Variants in PSMA8 observed in about 807,000 individuals in gnomAD.
PSMA8 encodes proteasome 20S subunit alpha 8.
In PSMA8, 18 loss-of-function variants were observed where a neutral mutation model predicts 32.4. The ratio of observed to expected loss-of-function variants is 0.56; its 90% CI spans 0.38 to 0.82. The LOEUF (loss-of-function observed/expected upper bound fraction) is 0.82. Among genes scored for constraint, PSMA8 ranks in the 40% least tolerant of loss-of-function variants. PSMA8 has a pLI of 0.00. For synonymous variants in PSMA8, 104 were observed against 98.1 expected, an observed-to-expected ratio of 1.06 and a Z score of -0.36; for missense variants, 298 against 300.7, an observed-to-expected ratio of 0.99 and a Z score of 0.07.
In PSMA8 at chr18:26,179,100, T is replaced by C. The variant is rs763355221; in HGVS notation, c.630T>C (p.Leu210=). Residue 210 remains leucine (L), a synonymous_variant, in exon 6 of 7, where the codon CTT becomes CTC. Coordinates refer to ENST00000415576, the MANE Select transcript of PSMA8 (RefSeq NM_001025096.2). Reference sequence around the variant, plus strand: ...AGTCTGGTGGAAAAAACATTGAACTTGCTATAATAAGAAGAAATCAACCTT... The same window carrying C: ...AGTCTGGTGGAAAAAACATTGAACTCGCTATAATAAGAAGAAATCAACCTT... ...VVQSGGKNIE[L]AIIRRNQPLK... is the part of the protein sequence containing the mutation. 2 of 1,612,806 alleles carry C rather than the reference T, an allele frequency of 1.2e-6. No homozygotes were observed. The highest frequency in any genetic ancestry group is 8.5e-7 in the Non-Finnish European group (1 of 1,179,172).
chr18:26,143,512 A>G (rs1471519493), intron 1 of PSMA8, among the ~76,000 whole-genome samples: 1 of 152,200 alleles, frequency 6.6e-6, no homozygotes, highest in East Asian at 1.9e-4. Flanking sequence ...AAAGTATATA[A>G]TAATCATACA....
At chr18:26,146,038 T>A (rs1055973872) in intron 2 of PSMA8, among the ~76,000 whole-genome samples, 1 of 152,222 alleles carries the variant, frequency 6.6e-6, no homozygotes, top group Admixed American at 6.5e-5. Context: ...TTCATTTTTT[T>A]ATATTCTTAT....
chr18:26,165,102 G>A (rs962923142), intron 4 of PSMA8, among the ~76,000 whole-genome samples: 1 of 151,968 alleles, frequency 6.6e-6, no homozygotes, highest in African/African-American at 2.4e-5. Context: ...GAGAGACGGG[G>A]TTTCACGCTG....
intron 3 of PSMA8, among the ~76,000 whole-genome samples, chr18:26,156,037 A>G (rs2055086216): frequency 6.6e-6 from 1 of 152,238 alleles, no homozygotes; most frequent in Non-Finnish European, 1.5e-5. Flanking sequence ...ACAAATGGCC[A>G]ACATGTATAT....
chr18:26,152,184 A>G (rs2055051800), intron 3 of PSMA8, among the ~76,000 whole-genome samples: 2 of 152,170 alleles, frequency 1.3e-5, no homozygotes, highest in Non-Finnish European at 2.9e-5. Flanking sequence ...ATCAGTATTA[A>G]TTCTGGGAAT....
At chr18:26,178,760 A>C (rs1487244543) in intron 4 of PSMA8, 70 bp from the exon 5 acceptor site, 1 of 1,433,228 alleles carries the variant, frequency 7.0e-7, no homozygotes, top group Non-Finnish European at 9.6e-7. Flanking sequence ...CAAACCTCTA[A>C]ACTTTACTTA....
At chr18:26,158,684 C>G (rs2055110646) in intron 4 of PSMA8, among the ~76,000 whole-genome samples, 1 of 152,160 alleles carries the variant, frequency 6.6e-6, no homozygotes, top group African/African-American at 2.4e-5. Flanking sequence ...TACTCATGTG[C>G]TAGTACGTAG....
chr18:26,141,707 T>C, intron 1 of PSMA8, among the ~76,000 whole-genome samples: 1 of 92,304 alleles, frequency 1.1e-5, no homozygotes, highest in South Asian at 2.6e-4. Flanking sequence ...TGTTTCTTTC[T>C]TTTTTCTTTT....
intron 1 of PSMA8, among the ~76,000 whole-genome samples, chr18:26,142,121 ACTC>A (rs1306453863): frequency 4.8e-5 from 7 of 145,908 alleles, no homozygotes; most frequent in Admixed American, 3.4e-4. Context: ...CTCACTGCAA[ACTC>A]CTCCTCCCAG....
At chr18:26,180,479 G>T (rs2055301606) in intron 6 of PSMA8, among the ~76,000 whole-genome samples, 1 of 152,050 alleles carries the variant, frequency 6.6e-6, no homozygotes, top group Non-Finnish European at 1.5e-5. Context: ...ATAAATAAGA[G>T]AAATGGGGAC....
At chr18:26,191,455 C>T (rs2055401707) in intron 6 of PSMA8, among the ~76,000 whole-genome samples, 1 of 151,842 alleles carries the variant, frequency 6.6e-6, no homozygotes, top group Non-Finnish European at 1.5e-5. Context: ...ATGGCAAAAC[C>T]CTGTCTGTAC....
intron 4 of PSMA8, among the ~76,000 whole-genome samples, chr18:26,162,243 C>T (rs1306563094): frequency 6.6e-6 from 1 of 152,128 alleles, no homozygotes; most frequent in African/African-American, 2.4e-5. Context: ...CCATGCTGTA[C>T]AGTAGATCTC....
chr18:26,162,291 GAACT>G (rs149627629), intron 4 of PSMA8, among the ~76,000 whole-genome samples: 8,514 of 151,854 alleles, frequency 0.056, 690 homozygotes, highest in African/African-American at 0.18. Flanking sequence ...TTGTACCCTT[GAACT>G]AACAACTTTC....
At chr18:26,181,981 G>C (rs2055315871) in intron 6 of PSMA8, among the ~76,000 whole-genome samples, 1 of 151,780 alleles carries the variant, frequency 6.6e-6, no homozygotes, top group South Asian at 2.1e-4. Flanking sequence ...GGCCTGGCTG[G>C]AAGATCAAAC....
intron 4 of PSMA8, among the ~76,000 whole-genome samples, chr18:26,163,679 A>G (rs2055156766): frequency 6.6e-6 from 1 of 152,198 alleles, no homozygotes; most frequent in Non-Finnish European, 1.5e-5. Context: ...GTGGGGCTAG[A>G]TCTTGTAGGG....
At chr18:26,141,706 C>CT (rs35488141) in intron 1 of PSMA8, among the ~76,000 whole-genome samples, 11,797 of 127,688 alleles carry the variant, frequency 0.092, 1,456 homozygotes, top group African/African-American at 0.3. Context: ...CTGTTTCTTT[C>CT]TTTTTTCTTT....
At chr18:26,186,535 G>C (rs1228846550) in intron 6 of PSMA8, among the ~76,000 whole-genome samples, 1 of 152,136 alleles carries the variant, frequency 6.6e-6, no homozygotes, top group East Asian at 1.9e-4. Flanking sequence ...TGGTTTTCTA[G>C]TTATTCTCTG....
chr18:26,152,076 A>C (rs751294248), intron 3 of PSMA8, 94 bp downstream of exon 3: 6 of 871,498 alleles, frequency 6.9e-6, no homozygotes, highest in Non-Finnish European at 9.6e-6. Context: ...CCAACCATGT[A>C]GTCTATTAAA....
Position 26,179,106 on chromosome 18 carries a change from A to C in PSMA8, c.636A>C (p.Ile212=). Residue 212 remains isoleucine, a synonymous_variant, in exon 6 of 7, where the codon ATA becomes ATC. Coordinates refer to ENST00000415576, the MANE Select transcript of PSMA8 (RefSeq NM_001025096.2). ...QSGGKNIELA[I]IRRNQPLKMF... Reference sequence around the variant, plus strand: ...GTGGAAAAAACATTGAACTTGCTATAATAAGAAGAAATCAACCTTTGAAGG... The same window carrying C: ...GTGGAAAAAACATTGAACTTGCTATCATAAGAAGAAATCAACCTTTGAAGG... 2 of 1,612,122 alleles carry C rather than the reference A, an allele frequency of 1.2e-6. No homozygotes were observed. The highest frequency in any genetic ancestry group is 1.7e-6 in the Non-Finnish European group (2 of 1,178,720).
Sources: allele counts gnomAD v4.1 joint callset (sites outside exome capture counted in the v4.1 genomes callset), GRCh38; gene constraint gnomAD v4.1.1; transcripts MANE v1.5; gene names NCBI Gene and HGNC (gene_info 2026-07-23, HGNC 2026-07-21).